Variants in MAST2 observed in about 807,000 individuals in gnomAD.
MAST2 encodes the protein microtubule associated serine/threonine kinase 2, also known as microtubule-associated serine/threonine-protein kinase 2.
Under a neutral mutation model 147.4 loss-of-function variants are expected in MAST2, and 70 were observed. The observed-to-expected ratio is 0.47, with a 90% confidence interval of 0.39 to 0.58. MAST2 has a LOEUF of 0.58. Ranked by LOEUF, MAST2 falls within the 20% of genes least tolerant of loss-of-function variation. MAST2 has a pLI of 0.00. For synonymous variants in MAST2, 869 were observed against 896.8 expected (o/e 0.97, Z 0.55); for missense variants, 2,080 against 2,302.3 (o/e 0.90, Z 1.98).
chr1:45,975,587 G>A (rs535941944), intron 5 of MAST2, among the ~76,000 whole-genome samples: 9 of 148,974 alleles, frequency 6.0e-5, no homozygotes, highest in East Asian at 2.0e-4. Flanking sequence ...AGGGAGGATC[G>A]CTTGAGTACA....
chr1:46,032,132 G>A (rs558696093), intron 24 of MAST2, 46 bp from the exon 25 acceptor site: 3 of 1,489,188 alleles, frequency 2.0e-6, no homozygotes, highest in South Asian at 2.3e-5. Context: ...CCAGGGGCCA[G>A]GCCAAAGCCC....
rs943272485 is a variant in MAST2, at chr1:45,930,695, T to C, written c.501-28691T>C. ...GATGTTAGCAGAAATATTTTTTTAA[T>C]GTCAAAATTCCAAGAATAGTTCAAA... On this transcript the variant is annotated intron_variant, in intron 4 of 28. Coordinates refer to ENST00000361297, the MANE Select transcript of MAST2 (RefSeq NM_015112.3). 9.8e-5 allele frequency among the ~76,000 whole-genome samples: 15 copies of C among 152,300 alleles called. No individual in the cohort carries two copies. In the East Asian group the frequency reaches 2.3e-3, roughly 23 times the overall value.
At position 45,882,405 on chromosome 1, in the gene MAST2, TG is replaced by T; in HGVS notation, c.500+11del. The T allele has an allele frequency of 6.2e-7, 1 of 1,605,344 alleles. No individual in the cohort carries two copies. The highest frequency in any genetic ancestry group is 8.5e-7 in the Non-Finnish European group (1 of 1,172,198). On this transcript the variant is annotated intron_variant, in intron 4 of 28. Coordinates refer to ENST00000361297, the MANE Select transcript of MAST2 (RefSeq NM_015112.3). Reference sequence around the variant, plus strand: ...CAAGAAGAGGCAGCTTGTAAGTAGATGATTATTACCATTATGATTATGATCT... The same window carrying T: ...CAAGAAGAGGCAGCTTGTAAGTAGATATTATTACCATTATGATTATGATCT...
At chr1:46,000,678 G>C (rs1234983831) in intron 6 of MAST2, among the ~76,000 whole-genome samples, 1 of 152,180 alleles carries the variant, frequency 6.6e-6, no homozygotes, top group Non-Finnish European at 1.5e-5. Flanking sequence ...TGGTGGGATG[G>C]GGAGAAGTGT....
chr1:45,966,861 CT>C (rs58072402), intron 5 of MAST2, among the ~76,000 whole-genome samples: 2,479 of 111,044 alleles, frequency 0.022, 46 homozygotes, highest in Admixed American at 0.065. Flanking sequence ...GGATCTGGGT[CT>C]TTTTTTTTTT....
intron 4 of MAST2, among the ~76,000 whole-genome samples, chr1:45,910,897 G>A (rs1291302664): frequency 6.6e-6 from 1 of 152,170 alleles, no homozygotes; most frequent in Non-Finnish European, 1.5e-5. Flanking sequence ...AGAAATATGT[G>A]GACAAAGGTT....
chr1:46,029,713 G>A, intron 19 of MAST2, 118 bp from the exon 20 acceptor site: 1 of 1,413,314 alleles, frequency 7.1e-7, no homozygotes, highest in Non-Finnish European at 9.7e-7. Context: ...GAAAAGGGAA[G>A]ATGCTTGAGC....
intron 4 of MAST2, among the ~76,000 whole-genome samples, chr1:45,918,539 G>A (rs1390213097): frequency 1.3e-5 from 2 of 152,198 alleles, no homozygotes; most frequent in Non-Finnish European, 2.9e-5. Flanking sequence ...CCAGGTTTAA[G>A]TGATTCTTCT....
At position 45,870,056 on chromosome 1, in the gene MAST2, T is replaced by C. The variant is rs577957927; in HGVS notation, c.469-12308T>C. 5.9e-5 allele frequency among the ~76,000 whole-genome samples: 9 copies of C among 152,326 alleles called. No homozygotes were observed. The East Asian group carries it at 1.7e-3, about 29-fold the overall frequency. On this transcript the variant is annotated intron_variant, in intron 3 of 28. Transcript: ENST00000361297. ...CTCCAGCCTCAGCCTCCTGAGTAGT[T>C]GGGATCACAGGTTCCTGCCACCATG...
intron 4 of MAST2, among the ~76,000 whole-genome samples, chr1:45,958,270 T>C (rs1173111247): frequency 6.6e-6 from 1 of 152,146 alleles, no homozygotes; most frequent in East Asian, 1.9e-4. Context: ...ATAGCTTCTA[T>C]AACCTACTTC....
intron 3 of MAST2, among the ~76,000 whole-genome samples, chr1:45,838,114 G>A (rs1019347842): frequency 6.6e-6 from 1 of 151,572 alleles, no homozygotes; most frequent in African/African-American, 2.4e-5. Flanking sequence ...TAGTGGATGT[G>A]TGGGAGTTTC....
intron 4 of MAST2, chr1:45,913,723 G>A (rs916788040): frequency 1.3e-5 from 13 of 1,010,092 alleles, no homozygotes; most frequent in Non-Finnish European, 1.4e-5. Flanking sequence ...CCGTAAGTTT[G>A]GGAAGCTTTT....
At chr1:45,888,738 A>G (rs1204624662) in intron 4 of MAST2, among the ~76,000 whole-genome samples, 8 of 113,076 alleles carry the variant, frequency 7.1e-5, no homozygotes, top group East Asian at 2.9e-4. Flanking sequence ...CTGGAGTGCA[A>G]TGGCACAATC....
chr1:46,034,746 T>C lies in MAST2; in HGVS notation c.4077T>C (p.Pro1359=). 6 of 1,610,876 alleles carry C rather than the reference T, an allele frequency of 3.7e-6. No homozygotes were observed. The highest frequency in any genetic ancestry group is 5.1e-6 in the Non-Finnish European group (6 of 1,178,478). Residue 1359 remains proline, a synonymous_variant, in exon 29 of 29, where the codon CCT becomes CCC. Coordinates refer to ENST00000361297, the MANE Select transcript of MAST2 (RefSeq NM_015112.3). ...CTCCCCCACCCCCAACAGCTTCACC[T>C]CAGCGGTCCCCATCGCCCCTGTCTG... ...TPSPPPPTAS[P]QRSPSPLSGH...
Position 45,932,635 on chromosome 1 carries a change from T to C in MAST2, c.501-26751T>C, listed in dbSNP as rs147855074. On this transcript the variant is annotated intron_variant, in intron 4 of 28. Transcript: ENST00000361297. ...TTGTAGTGAGCCAAGATCGCACCAC[T>C]GCACTCTGGCCTGGGAGACAGAGTG... Among the ~76,000 whole-genome samples the C allele has an allele frequency of 6.7e-3, 1,026 of 152,256 alleles. 14 individuals are homozygous for C. The highest frequency in any genetic ancestry group is 0.047 in the East Asian group (243 of 5,174).
rs1352263525 is a variant in MAST2, at chr1:45,966,607, A to C, written c.592+7130A>C. Among the ~76,000 whole-genome samples, 3 of 152,106 alleles carry C rather than the reference A, an allele frequency of 2.0e-5. No homozygotes were observed. The East Asian group carries it at 5.8e-4, about 29-fold the overall frequency. ...CATGGTGGTGTGCACCTGTAATCCC[A>C]GGTACTTGGGAGGCTGACGCAGGAG... is the stretch of plus-strand genomic sequence containing the variant. On this transcript the variant is annotated intron_variant, in intron 5 of 28. Coordinates refer to ENST00000361297, the MANE Select transcript of MAST2 (RefSeq NM_015112.3).
chr1:45,821,651 C>T (rs1036242288), intron 1 of MAST2, among the ~76,000 whole-genome samples: 1 of 150,628 alleles, frequency 6.6e-6, no homozygotes, highest in Non-Finnish European at 1.5e-5. Flanking sequence ...TCCCGAGTAG[C>T]TGGAACTACA....
rs988996029 is a variant in MAST2, at chr1:45,967,081, C to CT, written c.592+7614dup. ...AGCACTTTGGGGAGGCCCAGGCAGG[C>CT]TTTTTTTTTTGAGAGAGAGTCTCAC... is the stretch of plus-strand genomic sequence containing the variant. On this transcript the variant is annotated intron_variant, in intron 5 of 28. Transcript: ENST00000361297. 1.1e-3 allele frequency among the ~76,000 whole-genome samples: 156 copies of CT among 145,596 alleles called. 1 individual carries two copies. The Middle Eastern group carries it at 0.035, about 33-fold the overall frequency.
chr1:45,834,729 C>G (rs2147855928), intron 3 of MAST2, among the ~76,000 whole-genome samples: 1 of 152,280 alleles, frequency 6.6e-6, no homozygotes, highest in South Asian at 2.1e-4. Context: ...TCTGAATAAA[C>G]ATACTGGAGC....
Sources: allele counts gnomAD v4.1 joint callset (sites outside exome capture counted in the v4.1 genomes callset), GRCh38; gene constraint gnomAD v4.1.1; transcripts MANE v1.5; gene names NCBI Gene and HGNC (gene_info 2026-07-23, HGNC 2026-07-21).